The following HADHA variants were observed in gnomAD, a reference collection of about 807,000 sequenced individuals.
The protein encoded by HADHA is trifunctional enzyme subunit alpha, mitochondrial.
A neutral mutation model predicts 91.3 loss-of-function variants in HADHA; 59 were observed. That is an observed-to-expected ratio of 0.65 (90% CI 0.52 to 0.80). The LOEUF (loss-of-function observed/expected upper bound fraction) is 0.80. Among genes scored for constraint, HADHA ranks in the 30% least tolerant of loss-of-function variants. HADHA has a pLI of 0.00. For synonymous variants in HADHA, 320 were observed against 338.9 expected (o/e 0.94, Z 0.61); for missense variants, 800 against 927.6 (o/e 0.86, Z 1.79).
chr2:26,215,146 T>C lies in HADHA; in HGVS notation c.706A>G (p.Thr236Ala), dbSNP rs772948927. The change falls in exon 8 of 20, where the codon ACA becomes GCA. Residue 236 changes from threonine (T) to alanine (A), a missense_variant. Transcript: ENST00000380649. ...GCAACTTCTTCTAGGTATTCTATTG[T>C]CCGTTCCTCTGGAGGTTTTAGTCCT... ...GPGLKPPEERTIEYLEEVAIT... is the reference protein window; with the variant it reads ...GPGLKPPEERAIEYLEEVAIT... The C allele has an allele frequency of 6.2e-7, 1 of 1,611,288 alleles. No individual in the cohort carries two copies. Among genetic ancestry groups the C allele is most frequent in the Non-Finnish European group, 8.5e-7 (1 of 1,177,402 alleles).
At chr2:26,235,501 A>G (rs1574625784) in intron 4 of HADHA, among the ~76,000 whole-genome samples, 1 of 152,250 alleles carries the variant, frequency 6.6e-6, no homozygotes, top group Non-Finnish European at 1.5e-5. Context: ...TAGAAGCTAC[A>G]TGTATTTTCC....
rs751352005 is a variant in HADHA, at chr2:26,214,561, T to C, written c.800A>G (p.Lys267Arg). ...SPKRDKGLVE[K>R]LTAYAMTIPF... ...AATAGTCATGGCATACGCTGTCAAT[T>C]CTGTAAAATAAAATGCTTTTAGATA... Residue 267 changes from lysine to arginine, a missense_variant and splice_region_variant, in exon 9 of 20, where the codon AAA (lysine) becomes AGA (arginine). By Grantham distance (26) the Lys-to-Arg change is conservative. Transcript: ENST00000380649. The surrounding 1 kb of genome is among the most constrained non-coding windows in gnomAD (Gnocchi z 4.1). The C allele has an allele frequency of 7.4e-6, 11 of 1,494,210 alleles. No homozygotes were observed. The highest frequency in any genetic ancestry group is 1.7e-5 in the Admixed American group (1 of 59,832). The allele number at this position is 1,494,210 out of a possible 1,614,324, so 92.6% of individuals were successfully genotyped here.
chr2:26,238,917 C>T lies in HADHA; in HGVS notation c.180+17G>A, dbSNP rs1356029737. ...TAATGCGGTTAGCAGAAAAAAACTG[C>T]AAATTAAATGAGATACCTTTGAATT... On this transcript the variant is annotated intron_variant, in intron 3 of 19. Transcript: ENST00000380649. The T allele has an allele frequency of 2.6e-6, 4 of 1,548,518 alleles. No individual in the cohort carries two copies. The highest frequency in any genetic ancestry group is 2.2e-5 in the East Asian group (1 of 44,538).
intron 1 of HADHA, among the ~76,000 whole-genome samples, chr2:26,244,077 C>T (rs1229240228): frequency 1.3e-5 from 2 of 152,268 alleles, no homozygotes; most frequent in Non-Finnish European, 2.9e-5. Context: ...CAGTGATCTG[C>T]AAGGCTGATT....
At chr2:26,233,608 G>A (rs974476960) in intron 5 of HADHA, among the ~76,000 whole-genome samples, 5 of 152,278 alleles carry the variant, frequency 3.3e-5, no homozygotes, top group Admixed American at 1.3e-4. Flanking sequence ...AGTAGCTTAA[G>A]AGCCTAGATC....
At chr2:26,196,245 CATTATGTA>C (rs1287215174) in intron 14 of HADHA, among the ~76,000 whole-genome samples, 6 of 152,146 alleles carry the variant, frequency 3.9e-5, no homozygotes, top group Non-Finnish European at 1.5e-5. Context: ...TCTCCAATGC[CATTATGTA>C]ATACACAGAT....
At chr2:26,193,794 G>A (rs1553312069) in intron 16 of HADHA, 22 bp from the exon 17 acceptor site, 1 of 1,602,400 alleles carries the variant, frequency 6.2e-7, no homozygotes. Flanking sequence ...GCGATGCAGG[G>A]ACCTCAGGGG....
At chr2:26,207,174 G>A (rs1353830466) in intron 11 of HADHA, among the ~76,000 whole-genome samples, 3 of 151,734 alleles carry the variant, frequency 2.0e-5, no homozygotes, top group African/African-American at 4.8e-5. Context: ...CTCCAGCCGG[G>A]GTGACAGAAT....
intron 13 of HADHA, among the ~76,000 whole-genome samples, chr2:26,200,692 T>C (rs1173802149): frequency 6.6e-6 from 1 of 152,154 alleles, no homozygotes; most frequent in Non-Finnish European, 1.5e-5. Context: ...ATATGCAGTG[T>C]GCATGAGCAC....
At chr2:26,234,827 C>G (rs1670709055) in intron 4 of HADHA, among the ~76,000 whole-genome samples, 1 of 151,662 alleles carries the variant, frequency 6.6e-6, no homozygotes, top group Admixed American at 6.6e-5. Context: ...TTTATTTTTA[C>G]TTCTGTAATA....
intron 18 of HADHA, 103 bp from the exon 19 acceptor site, chr2:26,191,731 T>G: frequency 1.7e-6 from 2 of 1,179,200 alleles, no homozygotes; most frequent in Non-Finnish European, 2.5e-6. Flanking sequence ...TGGGGAGCTC[T>G]GTGGGCCGGT....
rs1339130572 is a variant in HADHA at position 26,215,105 on chromosome 2, T to G, written c.747A>C (p.Lys249Asn). The G allele has an allele frequency of 6.2e-7, 1 of 1,609,018 alleles. No homozygotes were observed. The highest frequency in any genetic ancestry group is 8.5e-7 in the Non-Finnish European group (1 of 1,175,358). Residue 249 changes from lysine to asparagine, a missense_variant, in exon 8 of 20, where the codon AAA (lysine) becomes AAC (asparagine). Transcript: ENST00000380649. ...YLEEVAITFAKGLADKKISPK... is the reference protein window; with the variant it reads ...YLEEVAITFANGLADKKISPK... The stretch of plus-strand genomic sequence containing the variant: ...GAGAGATCTTCTTATCAGCTAGTCC[T>G]TTGGCAAAAGTAATTGCAACTTCTT...
In HADHA at chr2:26,234,231, C is replaced by T. The variant is rs1460602961; in HGVS notation, c.439G>A (p.Gly147Arg). ...AATATCTATACCTCAAGTCCTCCTCCCAGGCAGGATCCATTGATGGCAGCC... is the reference window on the plus strand; with the variant it reads ...AATATCTATACCTCAAGTCCTCCTCTCAGGCAGGATCCATTGATGGCAGCC... ...IVAAINGSCL[G>R]GGLEVAISCQ... Residue 147 changes from glycine (G) to arginine (R), a missense_variant, in exon 5 of 20, where the codon GGA (glycine) becomes AGA (arginine). By Grantham distance (125) the Gly-to-Arg change is moderately radical (BLOSUM62 -2). Coordinates refer to ENST00000380649, the MANE Select transcript of HADHA (RefSeq NM_000182.5). The T allele has an allele frequency of 6.2e-7, 1 of 1,613,964 alleles. No homozygotes were observed. Among genetic ancestry groups the T allele is most frequent in the Non-Finnish European group, 8.5e-7 (1 of 1,179,844 alleles).
chr2:26,199,215 A>G (rs997757272), intron 13 of HADHA: 1 of 152,188 alleles, frequency 6.6e-6, no homozygotes, highest in Non-Finnish European at 1.5e-5. Context: ...ATAACTTTAA[A>G]AAACTAGCCA....
chr2:26,226,563 C>T (rs1386983856), intron 7 of HADHA, among the ~76,000 whole-genome samples: 1 of 152,134 alleles, frequency 6.6e-6, no homozygotes, highest in African/African-American at 2.4e-5. Context: ...AAGTAGTTCA[C>T]TGAGGAAATA....
chr2:26,197,277 G>A (rs965222463), intron 14 of HADHA, among the ~76,000 whole-genome samples: 2 of 152,290 alleles, frequency 1.3e-5, no homozygotes, highest in Middle Eastern at 3.4e-3. Context: ...GAAGGTGTAA[G>A]CAAACCCACG....
Position 26,193,594 on chromosome 2 carries a change from A to G in HADHA, c.1868T>C (p.Val623Ala), listed in dbSNP as rs1372002114. ...CTACTCACCTAGGAAGCCCTTGGAC[A>G]CCATCTGTGTCAGCAGTTCTGGGTT... ...GGNPELLTQM[V>A]SKGFLGRKSG... Residue 623 changes from valine to alanine, a missense_variant, in exon 17 of 20, where the codon GTG (valine) becomes GCG (alanine). Physicochemically the swap from Val to Ala is moderately conservative, Grantham distance 64. Transcript: ENST00000380649. The G allele has an allele frequency of 1.7e-5, 28 of 1,613,652 alleles. No homozygotes were observed. The highest frequency in any genetic ancestry group is 2.2e-5 in the Non-Finnish European group (26 of 1,179,662).
chr2:26,201,124 T>C (rs1309244530), intron 13 of HADHA, 25 bp downstream of exon 13: 1 of 1,569,656 alleles, frequency 6.4e-7, no homozygotes, highest in East Asian at 2.2e-5. Flanking sequence ...ACACTAGGAT[T>C]CAAGTACAAC....
chr2:26,191,758 A>C (rs1669512986), intron 18 of HADHA, 130 bp from the exon 19 acceptor site: 1 of 906,354 alleles, frequency 1.1e-6, no homozygotes, highest in Non-Finnish European at 1.8e-6. Flanking sequence ...TGGCCCTCAG[A>C]GAAGATGCTG....
Sources: allele counts gnomAD v4.1 joint callset (sites outside exome capture counted in the v4.1 genomes callset), GRCh38; gene constraint gnomAD v4.1.1; non-coding constraint Gnocchi (gnomAD v3.1); transcripts MANE v1.5; gene names NCBI Gene and HGNC (gene_info 2026-07-23, HGNC 2026-07-21).